Variants in POLD3 observed in about 807,000 individuals in gnomAD.
POLD3 encodes DNA polymerase delta 3, accessory subunit.
Under a neutral mutation model 58.2 loss-of-function variants are expected in POLD3, and 19 were observed. The ratio of observed to expected loss-of-function variants is 0.33; its 90% confidence interval spans 0.23 to 0.48. The LOEUF (loss-of-function observed/expected upper bound fraction) is 0.48, where lower values mean the gene tolerates loss of function less well. Among genes scored for constraint, POLD3 ranks in the 20% least tolerant of loss-of-function variants. The probability of loss-of-function intolerance (pLI) is 0.99; values close to 1 mark genes in which losing one functional copy is unlikely to be tolerated. For synonymous variants in POLD3, 172 were observed against 193.5 expected (o/e 0.89, Z 0.92); for missense variants, 504 against 545.5 (o/e 0.92, Z 0.76).
chr11:74,644,050 C>T (rs1426293930), downstream of POLD3, among the ~76,000 whole-genome samples: 1 of 152,164 alleles, frequency 6.6e-6, no homozygotes, highest in African/African-American at 2.4e-5. Flanking sequence ...AGTGATGAGC[C>T]TCCACTCACC....
chr11:74,615,886 C>CT (rs1187846078), intron 5 of POLD3, among the ~76,000 whole-genome samples: 4 of 151,100 alleles, frequency 2.6e-5, no homozygotes, highest in Non-Finnish European at 4.4e-5. Context: ...GACATTAGTT[C>CT]TTTTTTTTTC....
chr11:74,594,607 C>T (rs1442144517), intron 2 of POLD3, among the ~76,000 whole-genome samples: 1 of 152,162 alleles, frequency 6.6e-6, no homozygotes, highest in Non-Finnish European at 1.5e-5. Flanking sequence ...ATAAAACATT[C>T]ATCTATAAGT....
intron 7 of POLD3, among the ~76,000 whole-genome samples, chr11:74,624,435 A>C (rs760317292): frequency 6.6e-6 from 1 of 152,260 alleles, no homozygotes; most frequent in African/African-American, 2.4e-5. Context: ...CACATTATTT[A>C]TAAATTATTG....
At chr11:74,656,586 C>CAA (rs34224084) in intron 4 of POLD3, among the ~76,000 whole-genome samples, 17 of 147,622 alleles carry the variant, frequency 1.2e-4, no homozygotes, top group Admixed American at 2.7e-4. Flanking sequence ...GACTCCGTCT[C>CAA]AAAAAAAAAA....
chr11:74,648,400 T>C (rs1457836004), intron 4 of POLD3, among the ~76,000 whole-genome samples: 1 of 152,190 alleles, frequency 6.6e-6, no homozygotes, highest in Non-Finnish European at 1.5e-5. Context: ...TACTGTACCA[T>C]GTCCTTCCTC....
chr11:74,620,200 C>T, intron 7 of POLD3, 111 bp downstream of exon 7: 7 of 772,226 alleles, frequency 9.1e-6, no homozygotes, highest in Non-Finnish European at 1.6e-5. Flanking sequence ...AAGAGACTAC[C>T]TGCATTCTAA....
At chr11:74,628,937 G>T in intron 8 of POLD3, 1 of 248,746 alleles carries the variant, frequency 4.0e-6, no homozygotes, top group Non-Finnish European at 7.7e-6. Context: ...AATCAGGGAA[G>T]TAAGAAGGAA....
At chr11:74,624,607 A>G (rs1381956130) in intron 7 of POLD3, among the ~76,000 whole-genome samples, 4 of 152,240 alleles carry the variant, frequency 2.6e-5, no homozygotes, top group East Asian at 1.9e-4. Context: ...GTGAAAAGCT[A>G]TCACTAAGTA....
chr11:74,594,233 A>G, intron 2 of POLD3, 117 bp downstream of exon 2: 1 of 665,346 alleles, frequency 1.5e-6, no homozygotes, highest in East Asian at 2.6e-5. Flanking sequence ...GTTTGCTGGC[A>G]ATCATTGGTA....
At chr11:74,613,449 G>T (rs2135140783) in intron 5 of POLD3, among the ~76,000 whole-genome samples, 1 of 151,676 alleles carries the variant, frequency 6.6e-6, no homozygotes, top group South Asian at 2.1e-4. Context: ...TAAATCTTTT[G>T]TATCCTTAAC....
chr11:74,630,733 A>G (rs139590984), intron 9 of POLD3, among the ~76,000 whole-genome samples: 2 of 152,366 alleles, frequency 1.3e-5, no homozygotes, highest in Admixed American at 1.3e-4. Flanking sequence ...ATTTCCAATC[A>G]GTAAAAGACC....
chr11:74,593,628 C>T (rs2031116651), intron 1 of POLD3, among the ~76,000 whole-genome samples: 1 of 152,168 alleles, frequency 6.6e-6, no homozygotes, highest in Non-Finnish European at 1.5e-5. Flanking sequence ...CCTGCACCAC[C>T]TGTGCCCTTT....
intron 3 of POLD3, among the ~76,000 whole-genome samples, chr11:74,607,741 C>G (rs1207318003): frequency 1.3e-5 from 2 of 151,724 alleles, no homozygotes; most frequent in African/African-American, 4.8e-5. Context: ...GCCACCACGC[C>G]CAGCTAATTT....
chr11:74,620,686 C>G (rs1712361689), intron 7 of POLD3, among the ~76,000 whole-genome samples: 1 of 152,134 alleles, frequency 6.6e-6, no homozygotes. Context: ...ATGGAAAGAA[C>G]CAGTAGTCAC....
chr11:74,624,407 A>G (rs112042559), intron 7 of POLD3, among the ~76,000 whole-genome samples: 126 of 152,338 alleles, frequency 8.3e-4, no homozygotes, highest in African/African-American at 2.7e-3. Context: ...TGGTCCATCA[A>G]CTACCCTTCA....
In POLD3 at chr11:74,611,494, T is replaced by TA; in HGVS notation, c.220-4dup. On this transcript the variant is annotated splice_region_variant and splice_polypyrimidine_tract_variant and intron_variant, in intron 3 of 11. Transcript: ENST00000263681. ...AAGCACTAATAAAGTGTTATTTTCT[T>TA]ACAGTGCCACAAGGTTGCAGTAGTG... 1 of 1,543,194 alleles carries TA rather than the reference T, an allele frequency of 6.5e-7. No homozygotes were observed. The highest frequency in any genetic ancestry group is 8.9e-7 in the Non-Finnish European group (1 of 1,126,670).
At chr11:74,597,370 T>G (rs1247663988) in intron 2 of POLD3, among the ~76,000 whole-genome samples, 1 of 152,248 alleles carries the variant, frequency 6.6e-6, no homozygotes, top group African/African-American at 2.4e-5. Context: ...GTTTTTGCAC[T>G]TATATTTAAT....
chr11:74,609,365 TATA>T (rs2031815386), intron 3 of POLD3, among the ~76,000 whole-genome samples: 1 of 23,944 alleles, frequency 4.2e-5, no homozygotes, highest in African/African-American at 3.7e-4. Flanking sequence ...TATATATATA[TATA>T]TATATTTTTT....
intron 4 of POLD3, among the ~76,000 whole-genome samples, chr11:74,667,988 CATT>C (rs1164316541): frequency 2.6e-5 from 4 of 152,262 alleles, no homozygotes; most frequent in African/African-American, 9.6e-5. Context: ...TTAGGGAAAA[CATT>C]AGTCATTAGG....
Sources: allele counts gnomAD v4.1 joint callset (sites outside exome capture counted in the v4.1 genomes callset), GRCh38; gene constraint gnomAD v4.1.1; transcripts MANE v1.5; gene names NCBI Gene and HGNC (gene_info 2026-07-23, HGNC 2026-07-21).